PDE1C: variants seen among roughly 807,000 people sequenced by gnomAD.
The protein encoded by PDE1C is phosphodiesterase 1C.
A neutral mutation model predicts 93.1 loss-of-function variants in PDE1C; 62 were observed. The observed-to-expected ratio is 0.67, with a 90% confidence interval of 0.54 to 0.82. The LOEUF (loss-of-function observed/expected upper bound fraction) is 0.82, where lower values mean the gene tolerates loss of function less well. PDE1C is among the 40% of genes least tolerant of loss of function. The pLI, the probability that PDE1C is intolerant of heterozygous loss-of-function variation, is 0.00. For missense variants in PDE1C, 742 were observed against 884.6 expected, an observed-to-expected ratio of 0.84 and a Z score of 2.04; for synonymous variants, 325 against 310.1, an observed-to-expected ratio of 1.05 and a Z score of -0.50.
At chr7:32,246,722 T>C (rs1270031688) in intron 1 of PDE1C, among the ~76,000 whole-genome samples, 2 of 152,242 alleles carry the variant, frequency 1.3e-5, no homozygotes, top group Non-Finnish European at 2.9e-5. Context: ...CTCTCCTAAA[T>C]ATCAGCTGTG....
chr7:31,830,169 T>A (rs957721602), intron 11 of PDE1C, among the ~76,000 whole-genome samples: 5 of 151,954 alleles, frequency 3.3e-5, no homozygotes, highest in Non-Finnish European at 5.9e-5. Context: ...GTACTTGAAT[T>A]CCCTTTGGAA....
At chr7:31,953,898 T>G (rs1807758902) in intron 2 of PDE1C, among the ~76,000 whole-genome samples, 1 of 152,224 alleles carries the variant, frequency 6.6e-6, no homozygotes, top group East Asian at 1.9e-4. Flanking sequence ...TCTTGGTTCC[T>G]TGATCCATAA....
At chr7:32,037,340 C>G (rs981487864) in intron 2 of PDE1C, among the ~76,000 whole-genome samples, 1 of 152,004 alleles carries the variant, frequency 6.6e-6, no homozygotes, top group Non-Finnish European at 1.5e-5. Context: ...ATCTAGTTCA[C>G]GATAAGGTAA....
At chr7:31,893,197 T>C (rs963310176) in intron 2 of PDE1C, among the ~76,000 whole-genome samples, 1 of 152,232 alleles carries the variant, frequency 6.6e-6, no homozygotes, top group Non-Finnish European at 1.5e-5. Context: ...GGAGACGGTG[T>C]TTTGTTGTAT....
At chr7:32,153,908 A>G (rs1267927700) in intron 3 of PDE1C, among the ~76,000 whole-genome samples, 2 of 152,182 alleles carry the variant, frequency 1.3e-5, no homozygotes, top group African/African-American at 4.8e-5. Flanking sequence ...ACACACATCA[A>G]AAGGTTGAGC....
chr7:31,623,784 G>A, the PDE1C span, among the ~76,000 whole-genome samples: 14 of 151,770 alleles, frequency 9.2e-5, no homozygotes, highest in Non-Finnish European at 7.4e-5. Flanking sequence ...AATTAGGCAG[G>A]AGAAGGAAAT....
intron 1 of PDE1C, among the ~76,000 whole-genome samples, chr7:32,307,659 G>C (rs1173128371): frequency 6.6e-6 from 1 of 152,110 alleles, no homozygotes; most frequent in African/African-American, 2.4e-5. Context: ...ATCAGAGTTG[G>C]AACCTTTCTA....
At chr7:31,676,704 GAATTT>G in the PDE1C span, among the ~76,000 whole-genome samples, 1 of 151,964 alleles carries the variant, frequency 6.6e-6, no homozygotes, top group African/African-American at 2.4e-5. Flanking sequence ...GACAGAAGTA[GAATTT>G]AATGGGTTAG....
intron 1 of PDE1C, among the ~76,000 whole-genome samples, chr7:32,422,378 G>A (rs967949619): frequency 1.3e-5 from 2 of 152,106 alleles, no homozygotes; most frequent in African/African-American, 4.8e-5. Flanking sequence ...GTGCAAGTTT[G>A]TTACCTGGAT....
At chr7:31,726,644 A>T in the PDE1C span, among the ~76,000 whole-genome samples, 9,950 of 152,308 alleles carry the variant, frequency 0.065, 388 homozygotes, top group Non-Finnish European at 0.091. Context: ...AAATAACCAA[A>T]GAAAGTATCC....
intron 1 of PDE1C, among the ~76,000 whole-genome samples, chr7:32,246,515 G>C (rs1808969591): frequency 6.6e-6 from 1 of 152,172 alleles, no homozygotes. Flanking sequence ...CAATGTTTAT[G>C]TATTTGGAAT....
In PDE1C at chr7:32,403,613, C is replaced by T. The variant is rs114813972; in HGVS notation, c.310+24209G>A. On this transcript the variant is annotated intron_variant, in intron 1 of 1. Transcript: ENST00000672256. ...GTTGTGACGATCACATGCGTCTCCT[C>T]TCTAAATTTGTAGAATTATTGGCTG... Among the ~76,000 whole-genome samples the T allele has an allele frequency of 2.1e-3, 317 of 152,312 alleles. 2 individuals are homozygous for T. The highest frequency in any genetic ancestry group is 7.3e-3 in the African/African-American group (302 of 41,574).
the PDE1C span, among the ~76,000 whole-genome samples, chr7:31,666,629 C>G: frequency 6.6e-6 from 1 of 152,146 alleles, no homozygotes; most frequent in Non-Finnish European, 1.5e-5. Context: ...GTATAAGTCA[C>G]ATACAGTAAA....
chr7:32,341,320 C>G (rs1002311084), intron 1 of PDE1C, among the ~76,000 whole-genome samples: 14 of 148,904 alleles, frequency 9.4e-5, no homozygotes, highest in African/African-American at 3.5e-4. Flanking sequence ...GGACTACAGG[C>G]GCCCGCTACC....
intron 3 of PDE1C, among the ~76,000 whole-genome samples, chr7:31,880,141 G>A (rs3779243): frequency 0.62 from 94,718 of 151,850 alleles, 29,846 homozygotes; most frequent in East Asian, 0.77. Flanking sequence ...AAATTAGGGG[G>A]AAAAAAAACC....
the PDE1C span, among the ~76,000 whole-genome samples, chr7:31,639,540 T>TG: frequency 0.049 from 402 of 8,216 alleles, 4 homozygotes; most frequent in African/African-American, 0.12. Context: ...TTGTTTTTGT[T>TG]TTTTTTTTTT....
chr7:31,810,344 A>T (rs1353641742), intron 15 of PDE1C, among the ~76,000 whole-genome samples: 3 of 152,116 alleles, frequency 2.0e-5, no homozygotes, highest in African/African-American at 7.2e-5. Context: ...TAATAATTGG[A>T]GTGAGCTGGG....
chr7:32,382,723 G>C (rs1784557029), intron 1 of PDE1C, among the ~76,000 whole-genome samples: 1 of 152,130 alleles, frequency 6.6e-6, no homozygotes, highest in Non-Finnish European at 1.5e-5. Flanking sequence ...TCTCCTTATG[G>C]AGCCCTTTGA....
At chr7:31,739,238 C>CACACACACACACACACACA in the PDE1C span, among the ~76,000 whole-genome samples, 1 of 149,564 alleles carries the variant, frequency 6.7e-6, no homozygotes, top group South Asian at 2.1e-4. Context: ...CACACACACA[C>CACACACACACACACACACA]CAGCTCTTCT....
Sources: allele counts gnomAD v4.1 joint callset (sites outside exome capture counted in the v4.1 genomes callset), GRCh38; gene constraint gnomAD v4.1.1; transcripts MANE v1.5; gene names NCBI Gene and HGNC (gene_info 2026-07-23, HGNC 2026-07-21).